Variants in P4HA1 observed in about 807,000 individuals in gnomAD.
P4HA1 encodes prolyl 4-hydroxylase subunit alpha 1.
Under a neutral mutation model 72.8 loss-of-function variants are expected in P4HA1, and 24 were observed. The ratio of observed to expected loss-of-function variants is 0.33; its 90% CI spans 0.24 to 0.46. The LOEUF (loss-of-function observed/expected upper bound fraction) is 0.46, where lower values mean the gene tolerates loss of function less well. Among genes scored for constraint, P4HA1 ranks in the 20% least tolerant of loss-of-function variants. The pLI is 1.00. For synonymous variants in P4HA1, 201 were observed against 218.8 expected (o/e 0.92, Z 0.72); for missense variants, 446 against 640.6 (o/e 0.70, Z 3.28).
intron 11 of P4HA1, among the ~76,000 whole-genome samples, chr10:73,014,737 A>T (rs972278755): frequency 1.1e-4 from 17 of 152,118 alleles, no homozygotes; most frequent in African/African-American, 4.1e-4. Context: ...CTTGACAGCC[A>T]TCTCTTAGCT....
Position 73,022,427 on chromosome 10 carries a change from T to C in P4HA1, c.1249-5528A>G, listed in dbSNP as rs927254430. 5.3e-5 allele frequency among the ~76,000 whole-genome samples: 8 copies of C among 152,120 alleles called. No individual in the cohort carries two copies. The East Asian group carries it at 1.5e-3, about 29-fold the overall frequency. On this transcript the variant is annotated intron_variant, in intron 10 of 14. Transcript: ENST00000394890. ...GGGACCTGACTGTTAGAAGGAAAAC[T>C]AACAGAAAGGAATAGCATCAACATC...
intron 9 of P4HA1, among the ~76,000 whole-genome samples, chr10:73,043,286 GCA>G (rs1164256317): frequency 1.2e-4 from 19 of 152,094 alleles, no homozygotes; most frequent in Non-Finnish European, 2.8e-4. Flanking sequence ...TAAAAATTCA[GCA>G]CAAAGATATT....
chr10:73,041,292 C>T (rs1467067498), intron 9 of P4HA1, among the ~76,000 whole-genome samples: 7 of 152,094 alleles, frequency 4.6e-5, no homozygotes, highest in Non-Finnish European at 1.0e-4. Flanking sequence ...TGCTTGTAAT[C>T]CCAGCACTTT....
intron 9 of P4HA1, among the ~76,000 whole-genome samples, chr10:73,042,002 C>A (rs1020896110): frequency 6.7e-6 from 1 of 149,732 alleles, no homozygotes; most frequent in African/African-American, 2.5e-5. Context: ...CATGCCACCA[C>A]ACCTGGCTAA....
intron 9 of P4HA1, among the ~76,000 whole-genome samples, chr10:73,032,903 G>T (rs1589589200): frequency 6.6e-6 from 1 of 152,118 alleles, no homozygotes; most frequent in Admixed American, 6.6e-5. Context: ...TGGATTCTTA[G>T]ATTTATCCTA....
intron 1 of P4HA1, among the ~76,000 whole-genome samples, chr10:73,082,003 G>A (rs192212929): frequency 4.5e-4 from 68 of 152,298 alleles, no homozygotes; most frequent in African/African-American, 1.3e-3. Context: ...GCAACAGAGC[G>A]AGACTCCGTC....
intron 7 of P4HA1, among the ~76,000 whole-genome samples, chr10:73,049,230 C>T (rs1375112481): frequency 6.6e-6 from 1 of 152,146 alleles, no homozygotes; most frequent in South Asian, 2.1e-4. Context: ...AAAGTGTCAC[C>T]ATACGTATTG....
In P4HA1 at chr10:73,007,606, T is replaced by G. The variant is rs1232182087; in HGVS notation, c.*616A>C. ...AAAAAAAAAAAAAAATCGAAATATT[T>G]TAACTCAAGTACGTTTAATTCACCA... On this transcript the variant is annotated 3_prime_UTR_variant, in exon 15 of 15. Transcript: ENST00000394890. The G allele has an allele frequency of 6.6e-6, 1 of 152,038 alleles. No individual in the cohort carries two copies. Among genetic ancestry groups the G allele is most frequent in the African/African-American group, 2.4e-5 (1 of 41,398 alleles). 9.4% of individuals were successfully genotyped at this position (152,038 alleles called of 1,614,324 possible).
Position 73,040,196 on chromosome 10 carries a change from C to T in P4HA1, c.1148+4785G>A, listed in dbSNP as rs1840699387. ...TCTAATGCTAGTAGCTAAATACCTT[C>T]TGCTATCATTTATAATATGTAAGTA... is the stretch of plus-strand genomic sequence containing the variant. On this transcript the variant is annotated intron_variant, in intron 9 of 14. Transcript: ENST00000394890. 3.3e-5 allele frequency among the ~76,000 whole-genome samples: 5 copies of T among 152,090 alleles called. No homozygotes were observed. The South Asian group carries it at 1.0e-3, about 32-fold the overall frequency.
intron 12 of P4HA1, among the ~76,000 whole-genome samples, chr10:73,011,912 TTACA>T (rs1488231986): frequency 6.6e-6 from 1 of 152,028 alleles, no homozygotes; most frequent in East Asian, 1.9e-4. Flanking sequence ...AGAAGGTATT[TTACA>T]ATGATAAATA....
intron 1 of P4HA1, among the ~76,000 whole-genome samples, chr10:73,089,085 G>A (rs577490512): frequency 1.3e-5 from 2 of 152,282 alleles, no homozygotes; most frequent in East Asian, 1.9e-4. Flanking sequence ...AGAAGAGTAG[G>A]TATCTTAATA....
At chr10:73,038,472 C>G (rs1161362674) in intron 9 of P4HA1, among the ~76,000 whole-genome samples, 2 of 152,060 alleles carry the variant, frequency 1.3e-5, no homozygotes, top group Non-Finnish European at 2.9e-5. Flanking sequence ...ATTACTTTAA[C>G]TAGACTTTAT....
intron 6 of P4HA1, among the ~76,000 whole-genome samples, chr10:73,051,828 G>A (rs1841027298): frequency 6.6e-6 from 1 of 152,132 alleles, no homozygotes; most frequent in African/African-American, 2.4e-5. Context: ...TTTACTTTGA[G>A]AATTTACTAA....
At chr10:73,011,371 A>T (rs1474923038) in intron 12 of P4HA1, among the ~76,000 whole-genome samples, 1 of 152,176 alleles carries the variant, frequency 6.6e-6, no homozygotes, top group East Asian at 1.9e-4. Context: ...ATAAATATGT[A>T]TTTTATTGTA....
chr10:73,052,860 G>C (rs1316686361), intron 6 of P4HA1, among the ~76,000 whole-genome samples: 1 of 152,160 alleles, frequency 6.6e-6, no homozygotes, highest in African/African-American at 2.4e-5. Context: ...AAGTAATTCT[G>C]ATGCACGTGG....
intron 1 of P4HA1, among the ~76,000 whole-genome samples, chr10:73,091,060 CAAAAAAAAAAAA>C (rs202009101): frequency 2.0e-5 from 1 of 49,294 alleles, no homozygotes; most frequent in Non-Finnish European, 5.6e-5. Context: ...GAGTCCATCT[CAAAAAAAAAAAA>C]AAAAAAAAAA....
intron 10 of P4HA1, among the ~76,000 whole-genome samples, chr10:73,022,152 T>C (rs1422822662): frequency 2.0e-5 from 3 of 152,206 alleles, no homozygotes; most frequent in African/African-American, 4.8e-5. Context: ...TCTCCCAGGA[T>C]GGCATTTGAG....
chr10:73,071,901 G>T, intron 4 of P4HA1, 128 bp downstream of exon 4: 1 of 590,782 alleles, frequency 1.7e-6, no homozygotes, highest in Non-Finnish European at 2.8e-6. Context: ...CAAACCAAAT[G>T]CACCCAGGCA....
intron 10 of P4HA1, among the ~76,000 whole-genome samples, chr10:73,017,419 G>A (rs1051094398): frequency 6.6e-6 from 1 of 151,986 alleles, no homozygotes; most frequent in African/African-American, 2.4e-5. Context: ...GGGCACAAGT[G>A]ATCCTCCCAC....
Sources: gnomAD v4.1 joint callset for allele counts (sites outside exome capture counted in the v4.1 genomes callset) on GRCh38, gnomAD v4.1.1 for gene constraint, MANE v1.5 for transcripts, NCBI Gene and HGNC (gene_info 2026-07-23, HGNC 2026-07-21) for gene names.